Variants in NAF1 observed in about 807,000 individuals in gnomAD.
NAF1 encodes the protein nuclear assembly factor 1 ribonucleoprotein, also known as H/ACA ribonucleoprotein complex non-core subunit NAF1.
A neutral mutation model predicts 40.6 loss-of-function variants in NAF1; 11 were observed. That is an observed-to-expected ratio of 0.27 (90% CI 0.17 to 0.45). The LOEUF (loss-of-function observed/expected upper bound fraction) is 0.45, where lower values mean the gene tolerates loss of function less well. Among genes scored for constraint, NAF1 ranks in the 20% least tolerant of loss-of-function variants. The pLI is 1.00. For synonymous variants in NAF1, 260 were observed against 228.5 expected (o/e 1.14, Z -1.24); for missense variants, 607 against 611.1 (o/e 0.99, Z 0.07).
At chr4:163,127,199 A>G (rs1175989484), downstream of NAF1, 21 of 1,422,658 alleles carry the variant, frequency 1.5e-5, no homozygotes, top group East Asian at 5.2e-4. Context: ...GTGTGATCTC[A>G]GCTCATTGCA....
downstream of NAF1, among the ~76,000 whole-genome samples, chr4:163,105,479 T>C (rs1319187401): frequency 6.6e-6 from 1 of 152,248 alleles, no homozygotes; most frequent in Middle Eastern, 3.2e-3. Context: ...AGCTGTTATC[T>C]GTGACCCTTA....
At chr4:163,146,236 T>C (rs898854553) in intron 3 of NAF1, among the ~76,000 whole-genome samples, 1 of 152,212 alleles carries the variant, frequency 6.6e-6, no homozygotes, top group Non-Finnish European at 1.5e-5. Flanking sequence ...GAAATTAGTC[T>C]TCTTTCTCAC....
chr4:163,148,992 T>C (rs879328409), intron 2 of NAF1, among the ~76,000 whole-genome samples: 3 of 152,154 alleles, frequency 2.0e-5, no homozygotes, highest in Non-Finnish European at 4.4e-5. Context: ...AAAAAGAATA[T>C]AGGCTTTAGC....
At chr4:163,122,068 T>C (rs191520597), downstream of NAF1, among the ~76,000 whole-genome samples, 5 of 152,286 alleles carry the variant, frequency 3.3e-5, no homozygotes, top group Admixed American at 2.6e-4. Context: ...TGCCAAACAT[T>C]ATCGTTGAAA....
downstream of NAF1, among the ~76,000 whole-genome samples, chr4:163,107,434 C>T (rs945159419): frequency 9.2e-5 from 14 of 152,202 alleles, no homozygotes; most frequent in Non-Finnish European, 1.0e-4. Context: ...TGTCCAGGTA[C>T]ACTGTGCTCT....
chr4:163,134,923 T>G (rs1392432337), intron 6 of NAF1: 3 of 152,162 alleles, frequency 2.0e-5, no homozygotes, highest in Non-Finnish European at 2.9e-5. Flanking sequence ...GGATTTTAAT[T>G]GGGAATAGTT....
At chr4:163,157,302 T>A (rs1732026177) in intron 2 of NAF1, 1 of 151,924 alleles carries the variant, frequency 6.6e-6, no homozygotes, top group African/African-American at 2.4e-5. Context: ...AATGAGAAAG[T>A]CCAAACGACC....
chr4:163,133,285 A>G (rs1012823779), intron 6 of NAF1, 29 bp from the exon 7 acceptor site: 16 of 1,573,194 alleles, frequency 1.0e-5, no homozygotes, highest in African/African-American at 1.4e-5. Flanking sequence ...TAATAGGTTT[A>G]TGTTACATGA....
At chr4:163,160,327 C>T (rs550724983) in intron 2 of NAF1, among the ~76,000 whole-genome samples, 2 of 152,152 alleles carry the variant, frequency 1.3e-5, no homozygotes, top group South Asian at 4.2e-4. Context: ...TTCTCTTCCC[C>T]CTTAACGTAC....
Position 163,148,384 on chromosome 4 carries a change from C to G in NAF1, c.591G>C (p.Glu197Asp), listed in dbSNP as rs772847731. Residue 197 changes from glutamate (E) to aspartate (D), a missense_variant, in exon 3 of 8, where the codon GAG becomes GAC. Coordinates refer to ENST00000274054, the MANE Select transcript of NAF1 (RefSeq NM_138386.3). ...TTGAAACCATCCCAAGAGGCTTTAA[C>G]TCAATATCTTCAGGCAGAATAATAG... ...ELTIILPEDI[E>D]LKPLGMVSSI... 8 of 1,582,820 alleles carry G rather than the reference C, an allele frequency of 5.1e-6. 1 individual carries two copies. Among genetic ancestry groups the G allele is most frequent in the Non-Finnish European group, 6.8e-6 (8 of 1,169,652 alleles).
At chr4:163,145,478 G>A (rs1054844104) in intron 4 of NAF1, among the ~76,000 whole-genome samples, 1 of 152,144 alleles carries the variant, frequency 6.6e-6, no homozygotes, top group African/African-American at 2.4e-5. Flanking sequence ...GTATCTGGAC[G>A]GTAGGAAACG....
rs1385441348 is a variant in NAF1 at position 163,166,529 on chromosome 4, G to A, written c.199C>T (p.Leu67=). 8.1e-6 allele frequency: 13 copies of A among 1,595,290 alleles called. No individual in the cohort carries two copies. The highest frequency in any genetic ancestry group is 1.1e-5 in the Non-Finnish European group (13 of 1,171,260). The change falls in exon 1 of 8, where the codon CTG becomes TTG. Residue 67 remains leucine (L), a synonymous_variant. Coordinates refer to ENST00000274054, the MANE Select transcript of NAF1 (RefSeq NM_138386.3). ...VEVKPAGEQP[L]QPVLNAVAAG... is the part of the protein sequence containing the mutation. ...GCGACGGCGTTCAGAACGGGCTGCA[G>A]AGGCTGCTCCCCGGCAGGCTTAACC...
rs1317272528 is a variant in NAF1, at chr4:163,129,011, A to G, written c.1371T>C (p.Ala457=). The G allele has an allele frequency of 7.5e-7, 1 of 1,333,344 alleles. No homozygotes were observed. Among genetic ancestry groups the G allele is most frequent in the East Asian group, 4.6e-5 (1 of 21,860 alleles). 82.6% of individuals were successfully genotyped at this position (1,333,344 alleles called of 1,614,324 possible). A position where few individuals can be genotyped will look rare whatever the true frequency, so the allele number is the denominator to read the frequency against. Residue 457 remains alanine, a synonymous_variant, in exon 8 of 8, where the codon GCT becomes GCC. Transcript: ENST00000274054. The stretch of plus-strand genomic sequence containing the variant: ...ATGGTAAGTTAAGTAATGGATGAGC[A>G]GCCATGTTTGGTGTAGCCCAACCCA... The part of the protein sequence containing the change: ...VNMGWATPNM[A]AHPLLNLPYS...
intron 2 of NAF1, among the ~76,000 whole-genome samples, chr4:163,114,508 C>T (rs946028021): frequency 3.9e-5 from 6 of 152,206 alleles, no homozygotes; most frequent in African/African-American, 1.4e-4. Flanking sequence ...TCAGAACATT[C>T]TGTTCATGTG....
chr4:163,142,914 C>T (rs1402850327), intron 4 of NAF1, among the ~76,000 whole-genome samples: 1 of 152,174 alleles, frequency 6.6e-6, no homozygotes, highest in Admixed American at 6.5e-5. Context: ...ACCCATATCC[C>T]TTCTTGGTCA....
chr4:163,142,319 A>C (rs554505994), intron 4 of NAF1, among the ~76,000 whole-genome samples: 22 of 152,206 alleles, frequency 1.4e-4, no homozygotes, highest in Non-Finnish European at 2.9e-4. Context: ...ATATCTTTTA[A>C]GTTTCCTGTG....
At chr4:163,159,095 G>A (rs943024811) in intron 2 of NAF1, among the ~76,000 whole-genome samples, 3 of 152,032 alleles carry the variant, frequency 2.0e-5, no homozygotes, top group African/African-American at 7.2e-5. Context: ...CTAAACAATT[G>A]AATGTTTCTG....
In NAF1 at chr4:163,164,198, A is replaced by T; in HGVS notation, c.540+19T>A. The T allele has an allele frequency of 1.3e-6, 2 of 1,502,122 alleles. No individual in the cohort carries two copies. The highest frequency in any genetic ancestry group is 2.4e-5 in the East Asian group (1 of 41,076). 93.0% of individuals were successfully genotyped at this position (1,502,122 alleles called of 1,614,324 possible). A position where few individuals can be genotyped will look rare whatever the true frequency, so the allele number is the denominator to read the frequency against. ...GTTTTAAAACATGCAAACTAAGCTT[A>T]ATAAATCTAAGTACTTACATTAAGA... On this transcript the variant is annotated intron_variant, in intron 2 of 7. Coordinates refer to ENST00000274054, the MANE Select transcript of NAF1 (RefSeq NM_138386.3).
chr4:163,129,517 A>G (rs1210773600), intron 7 of NAF1, among the ~76,000 whole-genome samples, 169 bp from the exon 8 acceptor site: 3 of 152,258 alleles, frequency 2.0e-5, no homozygotes, highest in Non-Finnish European at 4.4e-5. Flanking sequence ...GACAAAACTT[A>G]ATGCCAAAGA....
Sources: allele counts gnomAD v4.1 joint callset (sites outside exome capture counted in the v4.1 genomes callset), GRCh38; gene constraint gnomAD v4.1.1; transcripts MANE v1.5; gene names NCBI Gene and HGNC (gene_info 2026-07-23, HGNC 2026-07-21).